The following SCAPER variants were observed in gnomAD, a reference collection of about 807,000 sequenced individuals.
SCAPER encodes the protein S-phase cyclin A associated protein in the ER.
A neutral mutation model predicts 182.2 loss-of-function variants in SCAPER; 98 were observed. The ratio of observed to expected loss-of-function variants is 0.54; its 90% CI spans 0.46 to 0.64. The LOEUF is 0.64. Among genes scored for constraint, SCAPER ranks in the 30% least tolerant of loss-of-function variants. The pLI is 0.00. For synonymous variants in SCAPER, 605 were observed against 564.6 expected (o/e 1.07, Z -1.01); for missense variants, 1,432 against 1,690.0 (o/e 0.85, Z 2.68).
intron 21 of SCAPER, among the ~76,000 whole-genome samples, chr15:76,649,643 C>G (rs925891141): frequency 2.1e-5 from 3 of 145,444 alleles, no homozygotes; most frequent in African/African-American, 7.6e-5. Context: ...ACATCAGATA[C>G]AGTAAAAAAG....
At chr15:76,692,321 A>C (rs2058404783) in intron 20 of SCAPER, among the ~76,000 whole-genome samples, 1 of 152,212 alleles carries the variant, frequency 6.6e-6, no homozygotes, top group South Asian at 2.1e-4. Flanking sequence ...CAGAAAAATC[A>C]GAAATTAATA....
chr15:76,403,276 C>A (rs2044597035), intron 27 of SCAPER, among the ~76,000 whole-genome samples: 1 of 152,218 alleles, frequency 6.6e-6, no homozygotes, highest in Non-Finnish European at 1.5e-5. Context: ...ACTACCTGAT[C>A]CTACGTAGGT....
At chr15:76,731,109 C>T (rs1449612971) in intron 16 of SCAPER, among the ~76,000 whole-genome samples, 1 of 152,120 alleles carries the variant, frequency 6.6e-6, no homozygotes, top group Non-Finnish European at 1.5e-5. Flanking sequence ...TTCTAAATAT[C>T]TGTTTAATAA....
intron 21 of SCAPER, among the ~76,000 whole-genome samples, chr15:76,637,761 T>A (rs1339472201): frequency 3.7e-4 from 48 of 129,412 alleles, no homozygotes; most frequent in African/African-American, 1.7e-3. Context: ...TGTGTGTGTG[T>A]GTGTGTGTGT....
At chr15:76,532,277 T>C (rs2043740780) in intron 23 of SCAPER, among the ~76,000 whole-genome samples, 1 of 152,146 alleles carries the variant, frequency 6.6e-6, no homozygotes, top group South Asian at 2.1e-4. Flanking sequence ...ATGGTAAGAA[T>C]AAATATATAA....
chr15:76,656,846 T>C (rs1408487549), intron 21 of SCAPER, among the ~76,000 whole-genome samples: 3 of 151,992 alleles, frequency 2.0e-5, no homozygotes, highest in Non-Finnish European at 4.4e-5. Context: ...TATTTGAAAC[T>C]AATGAGAAAA....
intron 22 of SCAPER, among the ~76,000 whole-genome samples, chr15:76,620,484 A>G (rs1195123627): frequency 1.3e-5 from 2 of 152,106 alleles, no homozygotes; most frequent in African/African-American, 4.8e-5. Flanking sequence ...TTACTTCTTT[A>G]ATGTTTTATA....
chr15:76,855,009 A>G (rs184224601), intron 4 of SCAPER, among the ~76,000 whole-genome samples: 92 of 152,040 alleles, frequency 6.1e-4, no homozygotes, highest in Admixed American at 5.4e-3. Context: ...AGAGGCATCA[A>G]TGCTACCCAA....
chr15:76,531,858 T>C (rs186324698), intron 23 of SCAPER, among the ~76,000 whole-genome samples: 3 of 152,270 alleles, frequency 2.0e-5, no homozygotes, highest in Middle Eastern at 3.4e-3. Context: ...TGTGTCCACA[T>C]TGTTTCACTC....
intron 2 of SCAPER, among the ~76,000 whole-genome samples, chr15:76,876,253 G>A (rs945276508): frequency 6.6e-6 from 1 of 152,114 alleles, no homozygotes; most frequent in African/African-American, 2.4e-5. Context: ...GCCCAGAGAG[G>A]GGCCCCCACA....
At chr15:76,516,046 G>A (rs1478824108) in intron 23 of SCAPER, among the ~76,000 whole-genome samples, 1 of 152,122 alleles carries the variant, frequency 6.6e-6, no homozygotes, top group African/African-American at 2.4e-5. Flanking sequence ...AAGGGAAAGA[G>A]GGAAAGGAGA....
intron 8 of SCAPER, among the ~76,000 whole-genome samples, 159 bp from the exon 9 acceptor site, chr15:76,775,276 T>C (rs1361432875): frequency 6.6e-6 from 1 of 152,140 alleles, no homozygotes; most frequent in Non-Finnish European, 1.5e-5. Flanking sequence ...TATATACATA[T>C]TTAAATAAAT....
intron 1 of SCAPER, among the ~76,000 whole-genome samples, chr15:76,890,129 G>T (rs767229667): frequency 6.6e-6 from 1 of 152,150 alleles, no homozygotes; most frequent in Non-Finnish European, 1.5e-5. Flanking sequence ...TGAGAACAAA[G>T]ACACAATGTA....
chr15:76,601,692 A>C (rs1322397795), intron 22 of SCAPER, among the ~76,000 whole-genome samples: 2 of 122,066 alleles, frequency 1.6e-5, no homozygotes, highest in African/African-American at 5.0e-5. Flanking sequence ...AAAAGTTTGC[A>C]GTATAGATTT....
chr15:76,357,509 G>A lies in SCAPER; in HGVS notation c.3856-3369C>T, dbSNP rs186317939. 9.7e-4 allele frequency among the ~76,000 whole-genome samples: 147 copies of A among 152,312 alleles called. 1 individual carries two copies. The highest frequency in any genetic ancestry group is 3.4e-3 in the Middle Eastern group (1 of 294). On this transcript the variant is annotated intron_variant, in intron 29 of 31. Transcript: ENST00000563290. ...AAGAGAACGCTTATACGCTGTTGGTGGGAATGTAAATTAGTACAACTTCTA... is the reference window on the plus strand; with the variant it reads ...AAGAGAACGCTTATACGCTGTTGGTAGGAATGTAAATTAGTACAACTTCTA...
chr15:76,463,084 A>G (rs1004324218), intron 25 of SCAPER, among the ~76,000 whole-genome samples: 1 of 152,168 alleles, frequency 6.6e-6, no homozygotes, highest in Non-Finnish European at 1.5e-5. Context: ...TGTCAATAAG[A>G]CATATGGCAC....
At chr15:76,532,073 C>T (rs2043723938) in intron 23 of SCAPER, among the ~76,000 whole-genome samples, 1 of 152,030 alleles carries the variant, frequency 6.6e-6, no homozygotes, top group African/African-American at 2.4e-5. Flanking sequence ...CCCTTCTTTT[C>T]ACAGGTGTTG....
chr15:76,678,788 T>C (rs1221310560), intron 20 of SCAPER, among the ~76,000 whole-genome samples: 1 of 152,162 alleles, frequency 6.6e-6, no homozygotes, highest in Non-Finnish European at 1.5e-5. Flanking sequence ...ACATATTTTA[T>C]ATAGCATCCC....
At chr15:76,759,271 T>TA (rs909113163) in intron 14 of SCAPER, among the ~76,000 whole-genome samples, 1 of 152,014 alleles carries the variant, frequency 6.6e-6, no homozygotes, top group Admixed American at 6.6e-5. Flanking sequence ...GGTAATTTAT[T>TA]AAAAAAAGAA....
Sources: gnomAD v4.1 joint callset for allele counts (sites outside exome capture counted in the v4.1 genomes callset) on GRCh38, gnomAD v4.1.1 for gene constraint, MANE v1.5 for transcripts, NCBI Gene and HGNC (gene_info 2026-07-23, HGNC 2026-07-21) for gene names.